AFF1: variants seen among roughly 807,000 people sequenced by gnomAD.
AFF1 encodes the protein AF4/FMR2 family member 1.
In AFF1, 48 loss-of-function variants were observed where a neutral mutation model predicts 121.7. The ratio of observed to expected loss-of-function variants is 0.39; its 90% CI spans 0.31 to 0.50. The LOEUF (loss-of-function observed/expected upper bound fraction) is 0.50. AFF1 is among the 20% of genes least tolerant of loss of function. The pLI, the probability that AFF1 is intolerant of heterozygous loss-of-function variation, is 0.76. For synonymous variants in AFF1, 613 were observed against 563.0 expected (o/e 1.09, Z -1.26); for missense variants, 1,523 against 1,511.7 (o/e 1.01, Z -0.12).
intron 2 of AFF1, among the ~76,000 whole-genome samples, chr4:87,012,556 A>T (rs966894367): frequency 6.6e-6 from 1 of 152,190 alleles, no homozygotes. Flanking sequence ...ACTTAAATGT[A>T]AAAACTGGGG....
At chr4:87,090,203 C>T (rs1456367310) in intron 6 of AFF1, 133 bp downstream of exon 6, 1 of 653,144 alleles carries the variant, frequency 1.5e-6, no homozygotes, top group African/African-American at 1.8e-5. Flanking sequence ...ATTAATTTAG[C>T]TTCTACAGTG....
intron 2 of AFF1, among the ~76,000 whole-genome samples, chr4:86,977,402 A>G (rs931499268): frequency 2.6e-5 from 4 of 152,158 alleles, no homozygotes; most frequent in Non-Finnish European, 5.9e-5. Context: ...GGAATTTTCC[A>G]TTTAATATTT....
At chr4:87,060,826 ACT>A (rs1484710588) in intron 4 of AFF1, among the ~76,000 whole-genome samples, 9 of 108,476 alleles carry the variant, frequency 8.3e-5, no homozygotes, top group Admixed American at 4.4e-4. Flanking sequence ...CGAGAGTGAG[ACT>A]CTGTCTCAAA....
chr4:87,038,822 A>G (rs1040211506), intron 2 of AFF1, among the ~76,000 whole-genome samples: 7 of 152,250 alleles, frequency 4.6e-5, no homozygotes, highest in Non-Finnish European at 8.8e-5. Flanking sequence ...ATCCTTATGA[A>G]GATAAATATA....
intron 2 of AFF1, among the ~76,000 whole-genome samples, chr4:87,019,428 C>T (rs534373379): frequency 1.5e-4 from 23 of 152,294 alleles, no homozygotes; most frequent in African/African-American, 4.8e-4. Flanking sequence ...CAGAGAGTTC[C>T]TGCCCCATAC....
At chr4:87,105,722 A>G in intron 9 of AFF1, 40 bp downstream of exon 9, 1 of 1,613,856 alleles carries the variant, frequency 6.2e-7, no homozygotes, top group Non-Finnish European at 8.5e-7. Flanking sequence ...AGTCCTTTTA[A>G]ATACATCTAA....
intron 2 of AFF1, among the ~76,000 whole-genome samples, chr4:87,025,474 T>A (rs1330197293): frequency 6.6e-6 from 1 of 152,194 alleles, no homozygotes. Flanking sequence ...CCCATGTCAG[T>A]TCCTTCCGTC....
intron 2 of AFF1, among the ~76,000 whole-genome samples, chr4:86,957,004 G>A (rs1260831659): frequency 1.3e-5 from 2 of 152,162 alleles, no homozygotes; most frequent in Non-Finnish European, 2.9e-5. Context: ...TTATTTGCAT[G>A]TACTTTTTCT....
chr4:87,022,861 C>A (rs552278612), intron 2 of AFF1, among the ~76,000 whole-genome samples: 1 of 150,878 alleles, frequency 6.6e-6, no homozygotes, highest in Admixed American at 6.6e-5. Flanking sequence ...CAATAAGTAA[C>A]GTTAGAATCA....
chr4:87,033,162 T>C (rs1470510405), intron 2 of AFF1, among the ~76,000 whole-genome samples: 1 of 152,166 alleles, frequency 6.6e-6, no homozygotes, highest in Admixed American at 6.5e-5. Context: ...CAAGAATAAA[T>C]GTTTTTTCTT....
At chr4:87,131,050 C>T (rs1358443910) in intron 16 of AFF1, 33 bp from the exon 17 acceptor site, 1 of 1,609,102 alleles carries the variant, frequency 6.2e-7, no homozygotes, top group South Asian at 1.1e-5. Flanking sequence ...GGTTTGTCTT[C>T]AGCCTAACAA....
intron 4 of AFF1, among the ~76,000 whole-genome samples, chr4:87,071,387 C>T (rs1355129047): frequency 6.6e-6 from 1 of 152,182 alleles, no homozygotes; most frequent in African/African-American, 2.4e-5. Flanking sequence ...GGCTCGTTTA[C>T]TGTGGTGTTC....
In AFF1 at chr4:87,114,975, T is replaced by C. The variant is rs1277691091; in HGVS notation, c.2142T>C (p.Thr714=). Residue 714 remains threonine, a synonymous_variant, in exon 12 of 21, where the codon ACT becomes ACC. Coordinates refer to ENST00000395146, the MANE Select transcript of AFF1 (RefSeq NM_001166693.3). The part of the protein sequence containing the change: ...TPEHFALVPL[T]ESQGPPHSGS... ...AGCACTTTGCTCTTGTTCCCCTGAC[T>C]GAGAGCCAGGGCCCACCCCACAGTG... 5.6e-6 allele frequency: 9 copies of C among 1,613,352 alleles called. No individual in the cohort carries two copies. In the Admixed American group the frequency reaches 8.3e-5, roughly 15 times the overall value.
chr4:87,077,200 A>G (rs975146738), intron 4 of AFF1, among the ~76,000 whole-genome samples: 3 of 152,232 alleles, frequency 2.0e-5, no homozygotes, highest in Admixed American at 1.3e-4. Context: ...AAAGTTCGTG[A>G]AGTTTAGCAA....
chr4:86,960,062 G>C (rs1384165337), intron 2 of AFF1, among the ~76,000 whole-genome samples: 1 of 152,090 alleles, frequency 6.6e-6, no homozygotes, highest in Non-Finnish European at 1.5e-5. Flanking sequence ...AATGGGGGCT[G>C]CTGGACTCAT....
At chr4:86,948,250 A>C (rs1025578962) in intron 1 of AFF1, among the ~76,000 whole-genome samples, 1 of 152,150 alleles carries the variant, frequency 6.6e-6, no homozygotes, top group African/African-American at 2.4e-5. Flanking sequence ...CCTCCTCCTT[A>C]TGGTAAACTT....
At position 87,047,429 on chromosome 4, in the gene AFF1, G is replaced by A. The variant is rs771639215; in HGVS notation, c.894G>A (p.Thr298=). Reference sequence around the variant, plus strand: ...GTGTTGCAATGCAGCAGAAGCCCACGGCTTATGTCCGGCCCATGGATGGTC... The same window carrying A: ...GTGTTGCAATGCAGCAGAAGCCCACAGCTTATGTCCGGCCCATGGATGGTC... The part of the protein sequence containing the change: ...SKSVAMQQKP[T]AYVRPMDGQD... The change falls in exon 4 of 21, where the codon ACG becomes ACA. Residue 298 remains threonine, a synonymous_variant. Transcript: ENST00000395146. 10 of 1,613,992 alleles carry A rather than the reference G, an allele frequency of 6.2e-6. No homozygotes were observed. The highest frequency in any genetic ancestry group is 1.6e-4 in the Middle Eastern group (1 of 6,084).
At chr4:86,981,155 G>T (rs35812445) in intron 2 of AFF1, among the ~76,000 whole-genome samples, 1 of 151,356 alleles carries the variant, frequency 6.6e-6, no homozygotes, top group Non-Finnish European at 1.5e-5. Context: ...TGGGACCACA[G>T]GTGCCCACCA....
intron 4 of AFF1, among the ~76,000 whole-genome samples, chr4:87,064,685 C>T (rs1721152733): frequency 1.3e-5 from 2 of 151,996 alleles, no homozygotes; most frequent in South Asian, 4.2e-4. Flanking sequence ...TCGAGACCAG[C>T]CTGGGCAACA....
Sources: allele counts gnomAD v4.1 joint callset (sites outside exome capture counted in the v4.1 genomes callset), GRCh38; gene constraint gnomAD v4.1.1; transcripts MANE v1.5; gene names NCBI Gene and HGNC (gene_info 2026-07-23, HGNC 2026-07-21).